The following CDC42BPA variants were observed in gnomAD, a reference collection of about 807,000 sequenced individuals.
CDC42BPA encodes serine/threonine-protein kinase MRCK alpha.
CDC42BPA carries 80 observed loss-of-function variants against 223.5 expected under a neutral mutation model. That is an observed-to-expected ratio of 0.36 (90% CI 0.30 to 0.43). The LOEUF (loss-of-function observed/expected upper bound fraction) is 0.43, where lower values mean the gene tolerates loss of function less well. Among genes scored for constraint, CDC42BPA ranks in the 20% least tolerant of loss-of-function variants. CDC42BPA has a pLI of 1.00. For synonymous variants in CDC42BPA, 694 were observed against 718.6 expected (o/e 0.97, Z 0.55); for missense variants, 1,743 against 2,099.9 (o/e 0.83, Z 3.32).
rs573058054 is a variant in CDC42BPA at position 226,994,776 on chromosome 1, C to T, written c.5133+47G>A. ...GGTGGTGGGATTGCCTGGGAAGATG[C>T]CCTAGTCTTTCTGATACATGACGTC... On this transcript the variant is annotated intron_variant, in intron 36 of 36. Coordinates refer to ENST00000366766, the MANE Select transcript of CDC42BPA (RefSeq NM_001394014.1). This position sits in a 1 kb window ranked among gnomAD's most constrained non-coding sequence, Gnocchi z 4.0. 7 of 1,547,930 alleles carry T rather than the reference C, an allele frequency of 4.5e-6. No homozygotes were observed. The Admixed American group carries it at 7.3e-5, about 16-fold the overall frequency.
intron 5 of CDC42BPA, among the ~76,000 whole-genome samples, chr1:227,193,218 C>T (rs1197778541): frequency 7.4e-6 from 1 of 135,872 alleles, no homozygotes; most frequent in Non-Finnish European, 1.6e-5. Context: ...TACAGGTGCC[C>T]GCCACCACGC....
intron 1 of CDC42BPA, among the ~76,000 whole-genome samples, chr1:227,285,762 G>A (rs1462004097): frequency 6.6e-6 from 1 of 152,168 alleles, no homozygotes; most frequent in African/African-American, 2.4e-5. Context: ...AAAAAAAGGA[G>A]CCACCTCATT....
chr1:227,305,773 C>T (rs1231490695), intron 1 of CDC42BPA, among the ~76,000 whole-genome samples: 2 of 151,956 alleles, frequency 1.3e-5, no homozygotes, highest in African/African-American at 2.4e-5. Flanking sequence ...TGAGACCAGC[C>T]TGGCCAACAT....
intron 21 of CDC42BPA, chr1:227,068,669 A>C (rs1455643779): frequency 8.3e-7 from 1 of 1,210,166 alleles, no homozygotes. Context: ...CCAAAAAATC[A>C]ATCAGTGAAG....
At chr1:227,001,753 A>G (rs898034285) in intron 35 of CDC42BPA, among the ~76,000 whole-genome samples, 5 of 152,058 alleles carry the variant, frequency 3.3e-5, no homozygotes, top group Non-Finnish European at 1.5e-5. Flanking sequence ...CTAAAAATAC[A>G]GAAATTGGCT....
chr1:227,279,348 G>A (rs1687647095), intron 1 of CDC42BPA, among the ~76,000 whole-genome samples: 1 of 152,006 alleles, frequency 6.6e-6, no homozygotes, highest in African/African-American at 2.4e-5. Flanking sequence ...TACAGTGATG[G>A]AGGTACTGCT....
chr1:226,995,717 A>T (rs1295094134), intron 35 of CDC42BPA, among the ~76,000 whole-genome samples: 2 of 152,194 alleles, frequency 1.3e-5, no homozygotes, highest in Non-Finnish European at 2.9e-5. Context: ...AAGAAAAGGG[A>T]AGACCCAGAA....
intron 2 of CDC42BPA, among the ~76,000 whole-genome samples, chr1:227,235,878 T>G (rs540338403): frequency 6.6e-6 from 1 of 152,300 alleles, no homozygotes; most frequent in East Asian, 1.9e-4. Context: ...AAGGAGGATT[T>G]AAATTCCCAT....
chr1:227,135,906 A>G (rs544763775), intron 10 of CDC42BPA, among the ~76,000 whole-genome samples: 3 of 144,586 alleles, frequency 2.1e-5, no homozygotes, highest in Non-Finnish European at 4.5e-5. Context: ...AAAAAAAGCA[A>G]TTTAGTCTTG....
chr1:227,284,546 C>A (rs1209486810), intron 1 of CDC42BPA, among the ~76,000 whole-genome samples: 1 of 152,170 alleles, frequency 6.6e-6, no homozygotes, highest in African/African-American at 2.4e-5. Flanking sequence ...AGAGAATGTA[C>A]ACATTTTCTT....
intron 14 of CDC42BPA, among the ~76,000 whole-genome samples, chr1:227,106,350 T>C (rs1395125082): frequency 2.6e-5 from 4 of 152,182 alleles, no homozygotes; most frequent in African/African-American, 9.6e-5. Context: ...TGTTATCACA[T>C]ATATGATTTG....
At chr1:227,295,161 T>C (rs1011296160) in intron 1 of CDC42BPA, among the ~76,000 whole-genome samples, 1 of 152,120 alleles carries the variant, frequency 6.6e-6, no homozygotes, top group Non-Finnish European at 1.5e-5. Flanking sequence ...ACAATACATA[T>C]ATATGAAATA....
At chr1:227,160,121 TGAACAC>T (rs961069397) in intron 6 of CDC42BPA, among the ~76,000 whole-genome samples, 11 of 152,222 alleles carry the variant, frequency 7.2e-5, no homozygotes, top group African/African-American at 2.7e-4. Context: ...ATTCATTTGT[TGAACAC>T]TATCCCTTAG....
intron 2 of CDC42BPA, among the ~76,000 whole-genome samples, chr1:227,236,143 T>G (rs888686857): frequency 1.3e-5 from 2 of 152,220 alleles, no homozygotes; most frequent in African/African-American, 2.4e-5. Flanking sequence ...GAGCTGCAAC[T>G]CTGCTAGTTG....
chr1:227,139,241 T>G (rs1659226445), intron 10 of CDC42BPA, among the ~76,000 whole-genome samples: 1 of 152,112 alleles, frequency 6.6e-6, no homozygotes, highest in Admixed American at 6.5e-5. Flanking sequence ...GAGCTAGAGC[T>G]CTTAAAGATT....
intron 16 of CDC42BPA, among the ~76,000 whole-genome samples, chr1:227,086,017 C>T (rs1186831605): frequency 6.6e-6 from 1 of 152,204 alleles, no homozygotes; most frequent in East Asian, 1.9e-4. Context: ...TTTCTCTAGG[C>T]ATCACTGACC....
intron 35 of CDC42BPA, among the ~76,000 whole-genome samples, chr1:226,997,750 G>A (rs1373699504): frequency 1.3e-5 from 2 of 152,204 alleles, no homozygotes; most frequent in Non-Finnish European, 2.9e-5. Flanking sequence ...TTTCCAAGTA[G>A]TTGTGCGGTT....
At chr1:227,099,964 A>G (rs1684702358) in intron 15 of CDC42BPA, among the ~76,000 whole-genome samples, 1 of 152,068 alleles carries the variant, frequency 6.6e-6, no homozygotes, top group South Asian at 2.1e-4. Flanking sequence ...GTCTTTTTGT[A>G]CCAGTCCCTA....
intron 2 of CDC42BPA, among the ~76,000 whole-genome samples, chr1:227,244,866 T>C (rs1680638518): frequency 6.6e-6 from 1 of 152,178 alleles, no homozygotes; most frequent in Non-Finnish European, 1.5e-5. Flanking sequence ...AGAGAGAATA[T>C]ACTTCAGGGA....
Sources: allele counts gnomAD v4.1 joint callset (sites outside exome capture counted in the v4.1 genomes callset), GRCh38; gene constraint gnomAD v4.1.1; non-coding constraint Gnocchi (gnomAD v3.1); transcripts MANE v1.5; gene names NCBI Gene and HGNC (gene_info 2026-07-23, HGNC 2026-07-21).